The following TAFA5 variants were observed in gnomAD, a reference collection of about 807,000 sequenced individuals.
TAFA5 encodes chemokine-like protein TAFA-5.
In TAFA5, 6 loss-of-function variants were observed where a neutral mutation model predicts 15.3. That is an observed-to-expected ratio of 0.39 (90% confidence interval 0.21 to 0.77). The LOEUF is 0.77. TAFA5 is among the 30% of genes least tolerant of loss of function. The pLI is 0.41. For synonymous variants in TAFA5, 103 were observed against 80.7 expected (o/e 1.28, Z -1.48); for missense variants, 161 against 193.1 (o/e 0.83, Z 0.98).
intron 1 of TAFA5, among the ~76,000 whole-genome samples, chr22:48,584,772 C>A (rs1924271803): frequency 6.6e-6 from 1 of 151,006 alleles, no homozygotes; most frequent in South Asian, 2.1e-4. Context: ...ACACCACACA[C>A]ATCACACACG....
At chr22:48,653,991 C>T (rs115229575) in intron 2 of TAFA5, among the ~76,000 whole-genome samples, 6,126 of 152,184 alleles carry the variant, frequency 0.04, 249 homozygotes, top group East Asian at 0.23. Context: ...CTCCGTGTCC[C>T]GTCACGTAGG....
chr22:48,493,660 T>G (rs780638375), intron 1 of TAFA5, among the ~76,000 whole-genome samples: 4 of 152,216 alleles, frequency 2.6e-5, no homozygotes, highest in Admixed American at 6.5e-5. Context: ...CACAAGAAGA[T>G]GGGATGTTTG....
chr22:48,591,125 G>A (rs577406890), intron 1 of TAFA5, among the ~76,000 whole-genome samples: 2 of 152,298 alleles, frequency 1.3e-5, no homozygotes, highest in East Asian at 1.9e-4. Context: ...GTCATGATTT[G>A]TTCTTAATGC....
Position 48,552,707 on chromosome 22 carries a change from G to A in TAFA5, c.112+63003G>A, listed in dbSNP as rs906995707. 2.0e-5 allele frequency among the ~76,000 whole-genome samples: 3 copies of A among 152,152 alleles called. No individual in the cohort carries two copies. Among genetic ancestry groups the A allele is most frequent in the African/African-American group, 4.8e-5 (2 of 41,440 alleles). On this transcript the variant is annotated intron_variant, in intron 1 of 3. Transcript: ENST00000402357. The surrounding 1 kb of genome is among the most constrained non-coding windows in gnomAD (Gnocchi z 4.1). ...GATTCATTGATTTTGTCAAGGGTCC[G>A]TTTATCATACTGACAACTGGAAAAA... is the stretch of plus-strand genomic sequence containing the variant.
chr22:48,667,473 C>T (rs1299875381), intron 2 of TAFA5, among the ~76,000 whole-genome samples: 1 of 152,194 alleles, frequency 6.6e-6, no homozygotes, highest in Non-Finnish European at 1.5e-5. Context: ...CTTATCGGTT[C>T]TGACATGGGT....
At chr22:48,494,796 C>T (rs1230772255) in intron 1 of TAFA5, among the ~76,000 whole-genome samples, 2 of 152,230 alleles carry the variant, frequency 1.3e-5, no homozygotes, top group East Asian at 1.9e-4. Flanking sequence ...CTGGGCTTTC[C>T]AGAAGCGGGC....
intron 3 of TAFA5, among the ~76,000 whole-genome samples, chr22:48,729,615 ACTAAAT>A (rs1429662828): frequency 6.8e-6 from 1 of 147,752 alleles, no homozygotes; most frequent in East Asian, 1.9e-4. Context: ...TGTATTGATC[ACTAAAT>A]CTGGAAATTT....
intron 1 of TAFA5, among the ~76,000 whole-genome samples, chr22:48,633,546 CTCTCT>C (rs1301277201): frequency 1.6e-4 from 24 of 150,618 alleles, no homozygotes; most frequent in African/African-American, 5.2e-4. Flanking sequence ...CTCCCTCTCT[CTCTCT>C]CTCTCTCCAT....
At chr22:48,504,129 G>A (rs1258788794) in intron 1 of TAFA5, among the ~76,000 whole-genome samples, 1 of 152,178 alleles carries the variant, frequency 6.6e-6, no homozygotes, top group Non-Finnish European at 1.5e-5. Flanking sequence ...TGGCTCCACC[G>A]AGCTTTAGGG....
At chr22:48,677,489 T>C (rs961294076) in intron 2 of TAFA5, among the ~76,000 whole-genome samples, 6 of 152,154 alleles carry the variant, frequency 3.9e-5, no homozygotes, top group African/African-American at 1.4e-4. Context: ...CAAGTCTTCA[T>C]CTCCAGCAAG....
chr22:48,606,805 G>C (rs1273461002), intron 1 of TAFA5, among the ~76,000 whole-genome samples: 1 of 152,192 alleles, frequency 6.6e-6, no homozygotes, highest in Non-Finnish European at 1.5e-5. Flanking sequence ...TGGGAGGAAA[G>C]GGGCCTAGGG....
At chr22:48,663,745 G>A (rs116024226) in intron 2 of TAFA5, among the ~76,000 whole-genome samples, 2,470 of 152,234 alleles carry the variant, frequency 0.016, 60 homozygotes, top group African/African-American at 0.056. Context: ...CCCTTTTCCT[G>A]GCATATTCAC....
chr22:48,549,338 G>T (rs1364406975), intron 1 of TAFA5, among the ~76,000 whole-genome samples: 2 of 152,372 alleles, frequency 1.3e-5, no homozygotes, highest in East Asian at 3.9e-4. Context: ...GGAACAATAT[G>T]AGCTTCAGGG....
intron 1 of TAFA5, among the ~76,000 whole-genome samples, chr22:48,594,158 G>T (rs778328796): frequency 6.6e-6 from 1 of 152,216 alleles, no homozygotes; most frequent in Non-Finnish European, 1.5e-5. Flanking sequence ...ATGCACAGGG[G>T]CGGTGAGAGG....
rs560075269 is a variant in TAFA5 at position 48,497,284 on chromosome 22, C to T, written c.112+7580C>T. Reference sequence around the variant, plus strand: ...CGCAGGGAGGAGAAGCCGGGGCCTGCGGTCCCACGGGGCCCGGCAGGGTTC... The same window carrying T: ...CGCAGGGAGGAGAAGCCGGGGCCTGTGGTCCCACGGGGCCCGGCAGGGTTC... On this transcript the variant is annotated intron_variant, in intron 1 of 3. Transcript: ENST00000402357. Among the ~76,000 whole-genome samples, 1,161 of 152,308 alleles carry T rather than the reference C, an allele frequency of 7.6e-3. 12 individuals are homozygous for T. Among genetic ancestry groups the T allele is most frequent in the Middle Eastern group, 0.02 (6 of 294 alleles).
chr22:48,617,967 G>A (rs2147179124), intron 1 of TAFA5, among the ~76,000 whole-genome samples: 1 of 152,308 alleles, frequency 6.6e-6, no homozygotes, highest in Non-Finnish European at 1.5e-5. Flanking sequence ...TGCCACATGG[G>A]CGCGGTTTTT....
intron 1 of TAFA5, 129 bp from the exon 2 acceptor site, chr22:48,646,468 G>A: frequency 8.4e-7 from 1 of 1,184,020 alleles, no homozygotes; most frequent in Non-Finnish European, 1.2e-6. Context: ...CGCTCCCTCT[G>A]AGTGAAGCGG....
intron 1 of TAFA5, among the ~76,000 whole-genome samples, chr22:48,502,590 C>T (rs573251564): frequency 1.8e-4 from 26 of 145,602 alleles, no homozygotes; most frequent in Non-Finnish European, 2.7e-4. Context: ...GGTGTGATCT[C>T]GGCTCACTGC....
intron 2 of TAFA5, among the ~76,000 whole-genome samples, chr22:48,694,835 C>A (rs1325335019): frequency 1.4e-5 from 1 of 69,056 alleles, no homozygotes; most frequent in Non-Finnish European, 3.2e-5. Flanking sequence ...CCGACCTCCG[C>A]CCCCACCCCC....
Sources: gnomAD v4.1 joint callset for allele counts (sites outside exome capture counted in the v4.1 genomes callset) on GRCh38, gnomAD v4.1.1 for gene constraint, Gnocchi (gnomAD v3.1) non-coding constraint, MANE v1.5 for transcripts, NCBI Gene and HGNC (gene_info 2026-07-23, HGNC 2026-07-21) for gene names.